The following OCA2 variants were observed in gnomAD, a reference collection of about 807,000 sequenced individuals.
OCA2 encodes OCA2 melanosomal transmembrane protein.
In OCA2, 77 loss-of-function variants were observed where a neutral mutation model predicts 100.2. The observed-to-expected ratio is 0.77, with a 90% CI of 0.64 to 0.93. The LOEUF (loss-of-function observed/expected upper bound fraction) is 0.93, where lower values mean the gene tolerates loss of function less well. Ranked by LOEUF, OCA2 falls within the 40% of genes least tolerant of loss-of-function variation. OCA2 has a pLI of 0.00. For missense variants in OCA2, 1,062 were observed against 1,089.1 expected, an observed-to-expected ratio of 0.98 and a Z score of 0.35; for synonymous variants, 432 against 439.2, an observed-to-expected ratio of 0.98 and a Z score of 0.21.
At chr15:27,789,625 C>T (rs1318527125) in intron 23 of OCA2, among the ~76,000 whole-genome samples, 2 of 152,098 alleles carry the variant, frequency 1.3e-5, no homozygotes. Context: ...ACACAGGGGG[C>T]GCTTATCAAA....
intron 1 of OCA2, among the ~76,000 whole-genome samples, chr15:28,091,888 G>A (rs1469755730): frequency 3.9e-5 from 6 of 152,114 alleles, no homozygotes; most frequent in Admixed American, 6.5e-5. Context: ...TCCAGGAGGC[G>A]GAGGTTGGAG....
intron 22 of OCA2, among the ~76,000 whole-genome samples, chr15:27,846,962 C>T (rs1481529818): frequency 1.3e-5 from 2 of 152,170 alleles, no homozygotes; most frequent in Admixed American, 1.3e-4. Flanking sequence ...AGCCTTCAGA[C>T]ATCAGACATC....
At chr15:27,966,223 C>T (rs561893031) in intron 15 of OCA2, among the ~76,000 whole-genome samples, 1 of 152,326 alleles carries the variant, frequency 6.6e-6, no homozygotes, top group East Asian at 1.9e-4. Context: ...GATCCGCCCA[C>T]CTTGGCCTCC....
chr15:27,913,871 G>GAAAGAAAGAAAGAAAGAA (rs2038520289), intron 19 of OCA2, among the ~76,000 whole-genome samples: 1 of 50,226 alleles, frequency 2.0e-5, no homozygotes, highest in Admixed American at 2.6e-4. Context: ...AAGAAAGAAA[G>GAAAGAAAGAAAGAAAGAA]AAAGAAAGAA....
intron 23 of OCA2, among the ~76,000 whole-genome samples, chr15:27,806,513 T>C (rs1464859230): frequency 6.6e-6 from 1 of 151,832 alleles, no homozygotes; most frequent in Non-Finnish European, 1.5e-5. Context: ...TGGAGAAGGG[T>C]CGGGGTAGAA....
chr15:28,007,678 C>T (rs998823588), intron 9 of OCA2, among the ~76,000 whole-genome samples: 4 of 151,144 alleles, frequency 2.6e-5, no homozygotes, highest in African/African-American at 4.9e-5. Flanking sequence ...TGCAGTGAGC[C>T]GAGATTGCAC....
At chr15:27,954,116 T>TACACACAC (rs200633980) in intron 17 of OCA2, among the ~76,000 whole-genome samples, 1,233 of 46,444 alleles carry the variant, frequency 0.027, 24 homozygotes, top group African/African-American at 0.042. Context: ...TTCCATGGCA[T>TACACACAC]ACACACACAC....
intron 15 of OCA2, among the ~76,000 whole-genome samples, chr15:27,966,264 C>A (rs1032753061): frequency 6.6e-6 from 1 of 152,160 alleles, no homozygotes; most frequent in African/African-American, 2.4e-5. Flanking sequence ...CGTGAGCCAC[C>A]GTGCCTGGCC....
At chr15:27,923,743 T>C (rs532668221) in intron 19 of OCA2, among the ~76,000 whole-genome samples, 9 of 152,346 alleles carry the variant, frequency 5.9e-5, no homozygotes, top group Admixed American at 4.6e-4. Context: ...AAGTTCCTTA[T>C]AGACTTTGGT....
At chr15:28,074,673 C>CAA (rs1172821817) in intron 2 of OCA2, among the ~76,000 whole-genome samples, 967 of 66,400 alleles carry the variant, frequency 0.015, 35 homozygotes, top group African/African-American at 0.031. Flanking sequence ...GACTCCGTCT[C>CAA]AAAAAAAAAA....
intron 9 of OCA2, among the ~76,000 whole-genome samples, chr15:28,005,176 C>T (rs540634041): frequency 6.6e-6 from 1 of 152,208 alleles, no homozygotes; most frequent in East Asian, 1.9e-4. Context: ...CAGTCCTCAG[C>T]ACCCCCACTT....
intron 2 of OCA2, among the ~76,000 whole-genome samples, chr15:28,049,248 G>A (rs1422221373): frequency 6.6e-6 from 1 of 152,154 alleles, no homozygotes; most frequent in African/African-American, 2.4e-5. Flanking sequence ...TTAGTCATTA[G>A]AGAAATGTAA....
chr15:28,082,880 TA>T (rs1378417173), intron 1 of OCA2, among the ~76,000 whole-genome samples: 1 of 152,214 alleles, frequency 6.6e-6, no homozygotes, highest in Non-Finnish European at 1.5e-5. Context: ...CCTATACCTC[TA>T]AAGTAATGCT....
intron 19 of OCA2, among the ~76,000 whole-genome samples, chr15:27,894,874 A>G (rs2037622023): frequency 6.6e-6 from 1 of 152,174 alleles, no homozygotes; most frequent in Admixed American, 6.5e-5. Context: ...ACCCTACCAC[A>G]AAAGGATTGT....
intron 1 of OCA2, among the ~76,000 whole-genome samples, chr15:28,096,586 G>T (rs1188516221): frequency 6.6e-6 from 1 of 152,158 alleles, no homozygotes; most frequent in African/African-American, 2.4e-5. Context: ...GCAGTGTAGG[G>T]TGCGGTGCCC....
In OCA2 at chr15:27,951,890, A is replaced by G. The variant is rs761741676; in HGVS notation, c.1845T>C (p.His615=). ...ETNIQELQKK[H]RISDGILLAK... ...CGAGCAGAATCCCGTCAGATATCCTATGCTGTAAGAGAGAAACCACAGCTC... is the reference window on the plus strand; with the variant it reads ...CGAGCAGAATCCCGTCAGATATCCTGTGCTGTAAGAGAGAAACCACAGCTC... Residue 615 remains histidine, a splice_region_variant and synonymous_variant, in exon 18 of 24, where the codon CAT becomes CAC. Coordinates refer to ENST00000354638, the MANE Select transcript of OCA2 (RefSeq NM_000275.3). 3.1e-6 allele frequency: 5 copies of G among 1,607,308 alleles called. No individual in the cohort carries two copies. Among genetic ancestry groups the G allele is most frequent in the African/African-American group, 1.3e-5 (1 of 74,878 alleles).
intron 9 of OCA2, among the ~76,000 whole-genome samples, chr15:28,007,515 G>C (rs1400904731): frequency 6.6e-6 from 1 of 152,196 alleles, no homozygotes; most frequent in East Asian, 1.9e-4. Context: ...CAGATCACGA[G>C]GTCAGGAGTT....
At chr15:27,784,482 GA>G (rs1379872104) in intron 23 of OCA2, among the ~76,000 whole-genome samples, 1 of 152,122 alleles carries the variant, frequency 6.6e-6, no homozygotes, top group African/African-American at 2.4e-5. Context: ...ATAAGCTAGG[GA>G]AAAAGAACCT....
intron 2 of OCA2, among the ~76,000 whole-genome samples, chr15:28,066,629 T>C (rs1211778322): frequency 1.3e-5 from 2 of 152,186 alleles, no homozygotes; most frequent in African/African-American, 4.8e-5. Flanking sequence ...AATATATTTC[T>C]TTGACACATT....
Sources: allele counts gnomAD v4.1 joint callset (sites outside exome capture counted in the v4.1 genomes callset), GRCh38; gene constraint gnomAD v4.1.1; transcripts MANE v1.5; gene names NCBI Gene and HGNC (gene_info 2026-07-23, HGNC 2026-07-21).